Variants in RXRA observed in about 807,000 individuals in gnomAD.
RXRA encodes the protein retinoid X receptor alpha, also known as retinoic acid receptor RXR-alpha.
Under a neutral mutation model 44.5 loss-of-function variants are expected in RXRA, and 5 were observed. The ratio of observed to expected loss-of-function variants is 0.11; its 90% CI spans 0.06 to 0.24. The LOEUF is 0.24. RXRA is among the 10% of genes least tolerant of loss of function. The probability of loss-of-function intolerance (pLI) is 1.00; values close to 1 mark genes in which losing one functional copy is unlikely to be tolerated. For synonymous variants in RXRA, 291 were observed against 271.4 expected (o/e 1.07, Z -0.71); for missense variants, 412 against 646.5 (o/e 0.64, Z 3.93).
At chr9:134,351,712 C>G (rs1381028277) in intron 1 of RXRA, among the ~76,000 whole-genome samples, 3 of 152,260 alleles carry the variant, frequency 2.0e-5, no homozygotes, top group African/African-American at 7.2e-5. Flanking sequence ...TTCTGCGGCC[C>G]TCTTTAATTA....
intron 1 of RXRA, among the ~76,000 whole-genome samples, chr9:134,348,459 G>A (rs760014556): frequency 3.3e-5 from 5 of 152,198 alleles, no homozygotes. Flanking sequence ...CTGTAGCCCA[G>A]TTTTGTCCCG....
chr9:134,425,295 A>C (rs1451032817), intron 6 of RXRA: 1 of 985,182 alleles, frequency 1.0e-6, no homozygotes, highest in Non-Finnish European at 1.2e-6. Flanking sequence ...GGCCTTCAGA[A>C]ATAAAGCATT....
Position 134,380,197 on chromosome 9 carries a change from G to C in RXRA, c.29-21435G>C, listed in dbSNP as rs530954218. ...GTTGGGGGTGGCCCCCCGCGGTGTA[G>C]GCCGGAGGTGGCGTGCCGGCCCCGT... On this transcript the variant is annotated intron_variant, in intron 1 of 9. Transcript: ENST00000481739. The C allele has an allele frequency of 2.7e-4, 268 of 985,260 alleles. 1 individual carries two copies. The South Asian group carries it at 6.2e-3, about 23-fold the overall frequency. 61.0% of individuals were successfully genotyped at this position (985,260 alleles called of 1,614,324 possible).
intron 5 of RXRA, among the ~76,000 whole-genome samples, chr9:134,418,077 G>A (rs1482311050): frequency 2.0e-5 from 3 of 152,156 alleles, no homozygotes; most frequent in African/African-American, 7.2e-5. Flanking sequence ...CTGTGGCCTT[G>A]CCAGGGAGGG....
At chr9:134,383,156 G>C (rs535323495) in intron 1 of RXRA, among the ~76,000 whole-genome samples, 2 of 152,134 alleles carry the variant, frequency 1.3e-5, no homozygotes, top group Non-Finnish European at 1.5e-5. Context: ...GCACACACAG[G>C]GGGGCCATGA....
chr9:134,330,614 C>T (rs538558373), intron 1 of RXRA, among the ~76,000 whole-genome samples: 20 of 152,354 alleles, frequency 1.3e-4, no homozygotes, highest in African/African-American at 4.1e-4. Context: ...CTTCCTTCCT[C>T]TCCTCTGCCC....
intron 1 of RXRA, among the ~76,000 whole-genome samples, chr9:134,390,235 C>T (rs1830780021): frequency 6.6e-6 from 1 of 152,274 alleles, no homozygotes; most frequent in East Asian, 1.9e-4. Context: ...TGGGTAGGGG[C>T]CCGGGTGCCC....
At position 134,426,908 on chromosome 9, in the gene RXRA, G is replaced by A. The variant is rs1466747524; in HGVS notation, c.911-2200G>A. Reference sequence around the variant, plus strand: ...CACTGGGCCTGGTGTGGGAAGGGAGGGAGAGCCCTTTCCTAGGAGAGCATT... The same window carrying A: ...CACTGGGCCTGGTGTGGGAAGGGAGAGAGAGCCCTTTCCTAGGAGAGCATT... On this transcript the variant is annotated intron_variant, in intron 6 of 9. Coordinates refer to ENST00000481739, the MANE Select transcript of RXRA (RefSeq NM_002957.6). This position sits in a 1 kb window ranked among gnomAD's most constrained non-coding sequence, Gnocchi z 4.6. 1.0e-6 allele frequency: 1 copy of A among 985,224 alleles called. No homozygotes were observed. The highest frequency in any genetic ancestry group is 1.2e-6 in the Non-Finnish European group (1 of 829,908). 61.0% of individuals were successfully genotyped at this position (985,224 alleles called of 1,614,324 possible).
chr9:134,337,958 C>T (rs1428957558), intron 1 of RXRA, among the ~76,000 whole-genome samples: 2 of 152,176 alleles, frequency 1.3e-5, no homozygotes, highest in African/African-American at 4.8e-5. Context: ...TGGGTGACTG[C>T]GCCCCCAGTG....
chr9:134,339,837 C>G (rs201079397), intron 1 of RXRA, among the ~76,000 whole-genome samples: 1 of 143,452 alleles, frequency 7.0e-6, no homozygotes, highest in African/African-American at 2.6e-5. Flanking sequence ...GTGTGTGAGT[C>G]TGTGTGTGTG....
intron 1 of RXRA, among the ~76,000 whole-genome samples, chr9:134,363,848 C>T (rs1277188514): frequency 2.6e-5 from 4 of 152,222 alleles, no homozygotes; most frequent in Admixed American, 6.5e-5. Flanking sequence ...CTCCTCATCC[C>T]GACCTCAGCT....
chr9:134,377,194 G>A (rs1830568967), intron 1 of RXRA, among the ~76,000 whole-genome samples: 1 of 152,202 alleles, frequency 6.6e-6, no homozygotes, highest in Admixed American at 6.5e-5. Flanking sequence ...TCTGTGCTCC[G>A]CTTTCATTTC....
rs892340946 is a variant in RXRA at position 134,417,087 on chromosome 9, C to G, written c.611-71C>G. Reference sequence around the variant, plus strand: ...TTGGCTGGGAGCTGGCACCACCCGGCCAGGACAGCCTTCCCTGGGAGCCAC... The same window carrying G: ...TTGGCTGGGAGCTGGCACCACCCGGGCAGGACAGCCTTCCCTGGGAGCCAC... On this transcript the variant is annotated intron_variant, in intron 4 of 9. Transcript: ENST00000481739. This position sits in a 1 kb window ranked among gnomAD's most constrained non-coding sequence, Gnocchi z 6.1. The G allele has an allele frequency of 2.6e-6, 4 of 1,511,658 alleles. No homozygotes were observed. Among genetic ancestry groups the G allele is most frequent in the Non-Finnish European group, 3.6e-6 (4 of 1,126,530 alleles). 93.6% of individuals were successfully genotyped at this position (1,511,658 alleles called of 1,614,324 possible).
intron 2 of RXRA, chr9:134,403,653 C>T (rs1831001023): frequency 6.6e-6 from 1 of 152,590 alleles, no homozygotes; most frequent in African/African-American, 2.4e-5. Context: ...CTGGTGTCCT[C>T]CGCACTGTTG....
intron 6 of RXRA, chr9:134,422,672 C>T (rs2119190454): frequency 2.0e-6 from 2 of 984,934 alleles, no homozygotes; most frequent in Non-Finnish European, 2.4e-6. Context: ...ACACTCCCCA[C>T]TCCCGGGACA....
intron 2 of RXRA, 96 bp from the exon 3 acceptor site, chr9:134,408,052 TG>T (rs1330472340): frequency 3.3e-6 from 3 of 918,814 alleles, no homozygotes; most frequent in South Asian, 1.8e-5. Context: ...TGTGTGAAGT[TG>T]GGGGTACAGC....
chr9:134,396,773 C>T (rs1013815536), intron 1 of RXRA, among the ~76,000 whole-genome samples: 1 of 152,200 alleles, frequency 6.6e-6, no homozygotes, highest in African/African-American at 2.4e-5. Flanking sequence ...TCCTGGGGCG[C>T]CAGATTGGAT....
Position 134,426,577 on chromosome 9 carries a change from G to A in RXRA, c.911-2531G>A, listed in dbSNP as rs1031344193. On this transcript the variant is annotated intron_variant, in intron 6 of 9. Coordinates refer to ENST00000481739, the MANE Select transcript of RXRA (RefSeq NM_002957.6). The surrounding 1 kb of genome is among the most constrained non-coding windows in gnomAD (Gnocchi z 4.6). Reference sequence around the variant, plus strand: ...TGACCTGTATCCCGTGCTGAGGGCCGCACCTCGGCTCAGCAGCGCCTTCTG... The same window carrying A: ...TGACCTGTATCCCGTGCTGAGGGCCACACCTCGGCTCAGCAGCGCCTTCTG... 20 of 985,320 alleles carry A rather than the reference G, an allele frequency of 2.0e-5. No homozygotes were observed. Among genetic ancestry groups the A allele is most frequent in the Non-Finnish European group, 2.4e-5 (20 of 829,934 alleles). The allele number at this position is 985,320 out of a possible 1,614,324, so 61.0% of individuals were successfully genotyped here.
intron 6 of RXRA, chr9:134,423,189 A>G: frequency 1.0e-6 from 1 of 985,414 alleles, no homozygotes; most frequent in Non-Finnish European, 1.2e-6. Flanking sequence ...CTGTGAGGCC[A>G]GGCTGTTAGT....
Sources: gnomAD v4.1 joint callset for allele counts (sites outside exome capture counted in the v4.1 genomes callset) on GRCh38, gnomAD v4.1.1 for gene constraint, Gnocchi (gnomAD v3.1) non-coding constraint, MANE v1.5 for transcripts, NCBI Gene and HGNC (gene_info 2026-07-23, HGNC 2026-07-21) for gene names.